CR1L: variants seen among roughly 807,000 people sequenced by gnomAD.
CR1L encodes complement component receptor 1-like protein.
CR1L carries 59 observed loss-of-function variants against 62.3 expected under a neutral mutation model. The ratio of observed to expected loss-of-function variants is 0.95; its 90% CI spans 0.77 to 1.18. CR1L has a LOEUF of 1.18. Among genes scored for constraint, CR1L ranks in the 50% most tolerant of loss-of-function variants. The pLI is 0.00. For synonymous variants in CR1L, 279 were observed against 248.7 expected, an observed-to-expected ratio of 1.12 and a Z score of -1.15; for missense variants, 700 against 702.8, an observed-to-expected ratio of 1.00 and a Z score of 0.04.
intron 3 of CR1L, among the ~76,000 whole-genome samples, chr1:207,679,274 G>A (rs1362381146): frequency 6.6e-6 from 1 of 151,024 alleles, no homozygotes; most frequent in Admixed American, 6.6e-5. Context: ...CAAAGTGCTG[G>A]GATTACAGGC....
chr1:207,677,740 A>G (rs1213793183), intron 2 of CR1L, among the ~76,000 whole-genome samples, 172 bp downstream of exon 2: 1 of 152,316 alleles, frequency 6.6e-6, no homozygotes, highest in East Asian at 1.9e-4. Context: ...AGTTCCTGGC[A>G]CCTTCATTAC....
chr1:207,696,088 G>C (rs1664097575), intron 5 of CR1L, among the ~76,000 whole-genome samples: 5 of 152,284 alleles, frequency 3.3e-5, no homozygotes, highest in Admixed American at 3.3e-4. Context: ...AGTTACCAGA[G>C]ATCAGGGAGC....
chr1:207,708,381 A>C, intron 10 of CR1L, 118 bp downstream of exon 10: 1 of 1,324,280 alleles, frequency 7.6e-7, no homozygotes, highest in Admixed American at 1.9e-5. Context: ...ATATTTGAAG[A>C]ATCCAGTCAT....
chr1:207,719,411 A>G (rs1374503347), intron 11 of CR1L, among the ~76,000 whole-genome samples: 1 of 152,070 alleles, frequency 6.6e-6, no homozygotes, highest in Admixed American at 6.6e-5. Context: ...TTAATATATA[A>G]TGAATACTTA....
At chr1:207,684,487 C>T (rs1384002742) in intron 4 of CR1L, among the ~76,000 whole-genome samples, 4 of 152,098 alleles carry the variant, frequency 2.6e-5, no homozygotes, top group Non-Finnish European at 5.9e-5. Context: ...TTCATTGCAG[C>T]ATTATTTATA....
At chr1:207,717,971 T>A (rs918705019) in intron 11 of CR1L, among the ~76,000 whole-genome samples, 2 of 152,052 alleles carry the variant, frequency 1.3e-5, no homozygotes, top group African/African-American at 4.8e-5. Flanking sequence ...TGTAGAGAAA[T>A]TTTTGAAAGT....
chr1:207,677,848 G>A (rs1663722922), intron 2 of CR1L, among the ~76,000 whole-genome samples: 2 of 152,206 alleles, frequency 1.3e-5, no homozygotes. Context: ...ATTAAGTAAT[G>A]AATGACTTGG....
Position 207,719,500 on chromosome 1 carries a change from A to G in CR1L, c.1642+1809A>G, listed in dbSNP as rs200784830. On this transcript the variant is annotated intron_variant, in intron 11 of 11. Transcript: ENST00000508064. Reference sequence around the variant, plus strand: ...TTTGGGAGGCTAAAGTGAGACGATCACTTGAGCCCAGGAGTTCAAGTGCAG... The same window carrying G: ...TTTGGGAGGCTAAAGTGAGACGATCGCTTGAGCCCAGGAGTTCAAGTGCAG... 1.2e-4 allele frequency among the ~76,000 whole-genome samples: 18 copies of G among 152,154 alleles called. No individual in the cohort carries two copies. The East Asian group carries it at 2.3e-3, about 20-fold the overall frequency.
chr1:207,668,065 T>C (rs1397916728), intron 1 of CR1L, among the ~76,000 whole-genome samples: 2 of 151,066 alleles, frequency 1.3e-5, no homozygotes, highest in Non-Finnish European at 2.9e-5. Context: ...TTATACACTG[T>C]TAGGGAATCC....
chr1:207,647,070 T>A (rs899604629), intron 1 of CR1L, among the ~76,000 whole-genome samples: 1 of 152,254 alleles, frequency 6.6e-6, no homozygotes, highest in Non-Finnish European at 1.5e-5. Context: ...TTTTGCTCAT[T>A]GTTAAGTGCT....
intron 1 of CR1L, chr1:207,657,262 G>C (rs565038208): frequency 6.5e-7 from 1 of 1,534,524 alleles, no homozygotes; most frequent in East Asian, 2.3e-5. Flanking sequence ...TTATTGGAGA[G>C]AGCACGATTT....
rs375504903 is a variant in CR1L at position 207,697,670 on chromosome 1, A to G, written c.1030A>G (p.Arg344Gly). Reference sequence around the variant, plus strand: ...GGGAGACTGGAGCCCTGCAGCCCCCAGATGTGAAGGTGACTAGACTCTTAT... The same window carrying G: ...GGGAGACTGGAGCCCTGCAGCCCCCGGATGTGAAGGTGACTAGACTCTTAT... ...PQGDWSPAAP[R>G]CEVKSCDDFL... Residue 344 changes from arginine to glycine, a missense_variant, in exon 6 of 12, where the codon AGA becomes GGA. Physicochemically the swap from Arg to Gly is moderately radical, Grantham distance 125 (BLOSUM62 -2). Transcript: ENST00000508064. 3.7e-6 allele frequency: 6 copies of G among 1,614,020 alleles called. No individual in the cohort carries two copies. Among genetic ancestry groups the G allele is most frequent in the Non-Finnish European group, 5.1e-6 (6 of 1,179,892 alleles).
At chr1:207,661,410 GTC>G (rs1663418345) in intron 1 of CR1L, among the ~76,000 whole-genome samples, 1 of 152,108 alleles carries the variant, frequency 6.6e-6, no homozygotes, top group African/African-American at 2.4e-5. Context: ...GGTCTTCTTT[GTC>G]TCTTTTGTTC....
rs1663101397 is a variant in CR1L at position 207,645,333 on chromosome 1, AG to A, written c.97+5del. The stretch of plus-strand genomic sequence containing the variant: ...GTTGCTGCTGTCCTCCTTCTCCGGT[AG>A]GACCCCGGGGTGGATTCGCGCGTCC... On this transcript the variant is annotated splice_donor_region_variant and intron_variant, in intron 1 of 11. Transcript: ENST00000508064. 1 of 1,613,836 alleles carries A rather than the reference AG, an allele frequency of 6.2e-7. No individual in the cohort carries two copies. Among genetic ancestry groups the A allele is most frequent in the Non-Finnish European group, 8.5e-7 (1 of 1,179,944 alleles).
chr1:207,683,044 C>CTCCT (rs1663829717), intron 3 of CR1L, among the ~76,000 whole-genome samples: 1 of 117,436 alleles, frequency 8.5e-6, no homozygotes, highest in Non-Finnish European at 1.8e-5. Flanking sequence ...CCTTCCTTCC[C>CTCCT]TCCTTCCTTC....
chr1:207,707,785 TAC>T (rs10523807), intron 9 of CR1L, among the ~76,000 whole-genome samples: 1,726 of 126,684 alleles, frequency 0.014, 28 homozygotes, highest in African/African-American at 0.04. Context: ...GGCATAGTAT[TAC>T]ACACACACAC....
intron 3 of CR1L, among the ~76,000 whole-genome samples, chr1:207,680,506 A>C (rs928592817): frequency 6.6e-6 from 1 of 152,116 alleles, no homozygotes; most frequent in Non-Finnish European, 1.5e-5. Flanking sequence ...GCTATTCCCT[A>C]CAACTGCATG....
At chr1:207,671,072 T>C in intron 1 of CR1L, among the ~76,000 whole-genome samples, 1 of 151,076 alleles carries the variant, frequency 6.6e-6, no homozygotes, top group Non-Finnish European at 1.5e-5. Flanking sequence ...TTTTCCAGAC[T>C]CTGCTACTTA....
chr1:207,677,308 A>AC, intron 1 of CR1L, 81 bp from the exon 2 acceptor site: 2 of 38,562 alleles, frequency 5.2e-5, no homozygotes, highest in Non-Finnish European at 7.7e-5. Flanking sequence ...ACTCTGTCAC[A>AC]AAAAAAAAAA....
Sources: allele counts gnomAD v4.1 joint callset (sites outside exome capture counted in the v4.1 genomes callset), GRCh38; gene constraint gnomAD v4.1.1; transcripts MANE v1.5; gene names NCBI Gene and HGNC (gene_info 2026-07-23, HGNC 2026-07-21).